Variants in ATP10A observed in about 807,000 individuals in gnomAD.
ATP10A encodes the protein ATPase phospholipid transporting 10A (putative).
In ATP10A, 111 loss-of-function variants were observed where a neutral mutation model predicts 147.8. That is an observed-to-expected ratio of 0.75 (90% confidence interval 0.64 to 0.88). The LOEUF is 0.88. Among genes scored for constraint, ATP10A ranks in the 40% least tolerant of loss-of-function variants. The pLI, the probability that ATP10A is intolerant of heterozygous loss-of-function variation, is 0.00. For missense variants in ATP10A, 1,927 were observed against 1,959.0 expected, an observed-to-expected ratio of 0.98 and a Z score of 0.31; for synonymous variants, 875 against 841.6, an observed-to-expected ratio of 1.04 and a Z score of -0.69.
At chr15:25,765,595 G>C (rs1257961704) in intron 2 of ATP10A, among the ~76,000 whole-genome samples, 1 of 152,194 alleles carries the variant, frequency 6.6e-6, no homozygotes, top group Non-Finnish European at 1.5e-5. Context: ...GCAAGGAAAA[G>C]ATCATTGAGA....
intron 2 of ATP10A, among the ~76,000 whole-genome samples, chr15:25,768,001 G>T (rs571982298): frequency 6.6e-6 from 1 of 152,230 alleles, no homozygotes; most frequent in African/African-American, 2.4e-5. Context: ...TCCAACGGGC[G>T]CACCAGGGCT....
chr15:25,726,089 G>A lies in ATP10A; in HGVS notation c.848-7C>T. The A allele has an allele frequency of 6.2e-7, 1 of 1,613,008 alleles. No homozygotes were observed. Among genetic ancestry groups the A allele is most frequent in the Non-Finnish European group, 8.5e-7 (1 of 1,179,280 alleles). ...AGAGCCTTGGTTTCATGTCCTGTCG[G>A]GGAGGACAAAGAGACATGGCAAGTC... On this transcript the variant is annotated splice_region_variant and splice_polypyrimidine_tract_variant and intron_variant, in intron 4 of 20. Coordinates refer to ENST00000555815, the MANE Select transcript of ATP10A (RefSeq NM_024490.4).
In ATP10A at chr15:25,801,052, T is replaced by C. The variant is rs575964110; in HGVS notation, c.450-19829A>G. ...TACAAAACTAAAAGAGAAAGACCTT[T>C]GGGGTGACAGCCTCTCCTCTGCAGA... On this transcript the variant is annotated intron_variant, in intron 1 of 20. Transcript: ENST00000555815. Among the ~76,000 whole-genome samples, 9 of 152,162 alleles carry C rather than the reference T, an allele frequency of 5.9e-5. No individual in the cohort carries two copies. In the South Asian group the frequency reaches 1.9e-3, roughly 32 times the overall value.
Position 25,779,432 on chromosome 15 carries a change from G to A in ATP10A, c.654+1587C>T, listed in dbSNP as rs903662783. Among the ~76,000 whole-genome samples the A allele has an allele frequency of 1.2e-4, 18 of 152,294 alleles. No homozygotes were observed. In the East Asian group the frequency reaches 1.9e-3, roughly 16 times the overall value. ...TGCCCCTAACTCTAGCTGAGACCCC[G>A]GGAACTGAGAGGGGATGCTGTCCCT... On this transcript the variant is annotated intron_variant, in intron 2 of 20. Coordinates refer to ENST00000555815, the MANE Select transcript of ATP10A (RefSeq NM_024490.4).
At chr15:25,684,580 C>T (rs1002100840) in intron 16 of ATP10A, among the ~76,000 whole-genome samples, 1 of 152,174 alleles carries the variant, frequency 6.6e-6, no homozygotes, top group African/African-American at 2.4e-5. Flanking sequence ...AGAGAGGGAA[C>T]TTGAAGTTCC....
At chr15:25,771,122 C>T (rs1427357212) in intron 2 of ATP10A, among the ~76,000 whole-genome samples, 1 of 152,100 alleles carries the variant, frequency 6.6e-6, no homozygotes, top group East Asian at 1.9e-4. Flanking sequence ...CTAATCAAAC[C>T]CCGTGTTGCA....
chr15:25,832,818 T>C (rs1892419241), intron 1 of ATP10A, among the ~76,000 whole-genome samples: 1 of 152,094 alleles, frequency 6.6e-6, no homozygotes, highest in African/African-American at 2.4e-5. Context: ...GAAGAGAGGA[T>C]TTTGAATGCT....
intron 1 of ATP10A, among the ~76,000 whole-genome samples, chr15:25,811,505 C>T (rs932449178): frequency 1.7e-4 from 26 of 152,180 alleles, no homozygotes; most frequent in African/African-American, 5.1e-4. Context: ...AAACTGCACA[C>T]CCGGGCATCC....
At position 25,707,960 on chromosome 15, in the gene ATP10A, C is replaced by T. The variant is rs1449916160; in HGVS notation, c.2575+16G>A. 6.2e-7 allele frequency: 1 copy of T among 1,613,064 alleles called. No individual in the cohort carries two copies. Among genetic ancestry groups the T allele is most frequent in the African/African-American group, 1.3e-5 (1 of 74,934 alleles). Reference sequence around the variant, plus strand: ...CTCCACACTGCCCTTAGGCATGCGACTCTCAAGTTAATTACCTAACAAGTG... The same window carrying T: ...CTCCACACTGCCCTTAGGCATGCGATTCTCAAGTTAATTACCTAACAAGTG... On this transcript the variant is annotated intron_variant, in intron 12 of 20. Coordinates refer to ENST00000555815, the MANE Select transcript of ATP10A (RefSeq NM_024490.4).
intron 1 of ATP10A, among the ~76,000 whole-genome samples, chr15:25,836,235 C>T (rs778268186): frequency 1.8e-4 from 28 of 152,092 alleles, no homozygotes; most frequent in Non-Finnish European, 2.8e-4. Context: ...AGGTGTGGGC[C>T]CCCAGCCTGG....
chr15:25,680,211 GA>G lies in ATP10A; in HGVS notation c.3775del (p.Ser1259ProfsTer18). The G allele has an allele frequency of 6.2e-7, 1 of 1,614,146 alleles. No homozygotes were observed. The highest frequency in any genetic ancestry group is 8.5e-7 in the Non-Finnish European group (1 of 1,180,010). ...NASCATCYPP[S>X]NPYWTMQALL... is the part of the protein sequence containing the mutation. Reference sequence around the variant, plus strand: ...GGCTTGCATAGTCCAGTAAGGGTTGGACGGAGGATAGCACGTGGCACAAGAC... The same window carrying G: ...GGCTTGCATAGTCCAGTAAGGGTTGGCGGAGGATAGCACGTGGCACAAGAC... On this transcript the variant is annotated frameshift_variant, in exon 20 of 21. Coordinates refer to ENST00000555815, the MANE Select transcript of ATP10A (RefSeq NM_024490.4). LOFTEE classifies it high-confidence loss of function.
intron 1 of ATP10A, among the ~76,000 whole-genome samples, chr15:25,848,348 G>A (rs563349104): frequency 6.6e-6 from 1 of 152,200 alleles, no homozygotes; most frequent in Admixed American, 6.5e-5. Flanking sequence ...GAGTGCAGTA[G>A]CATAATCACA....
rs1555469794 is a variant in ATP10A, at chr15:25,786,792, G to GCTT, written c.450-5570_450-5569insAAG. On this transcript the variant is annotated intron_variant, in intron 1 of 20. Coordinates refer to ENST00000555815, the MANE Select transcript of ATP10A (RefSeq NM_024490.4). ...AGGCGCCCACCACCATGCCCAGCTA[G>GCTT]TTTTTTTTTTTTTTTTGTATTTTTA... is the stretch of plus-strand genomic sequence containing the variant. Among the ~76,000 whole-genome samples, 90 of 135,274 alleles carry GCTT rather than the reference G, an allele frequency of 6.7e-4. 1 individual carries two copies. In the East Asian group the frequency reaches 9.6e-3, roughly 14 times the overall value. 88.7% of individuals were successfully genotyped at this position (135,274 alleles called of 152,430 possible).
At chr15:25,705,440 C>CAAAAAA (rs67294220) in intron 12 of ATP10A, among the ~76,000 whole-genome samples, 4 of 86,218 alleles carry the variant, frequency 4.6e-5, no homozygotes, top group Non-Finnish European at 6.6e-5. Context: ...TGTCTCAAAG[C>CAAAAAA]AAAAAAAAAA....
At chr15:25,682,933 CT>C (rs924200470) in intron 17 of ATP10A, among the ~76,000 whole-genome samples, 5 of 152,138 alleles carry the variant, frequency 3.3e-5, no homozygotes, top group African/African-American at 1.2e-4. Flanking sequence ...CAGTGGCTTC[CT>C]TGTGGGTTTG....
chr15:25,733,781 G>A (rs758516889), intron 3 of ATP10A, among the ~76,000 whole-genome samples: 10 of 152,252 alleles, frequency 6.6e-5, no homozygotes, highest in Non-Finnish European at 1.2e-4. Context: ...TGGAGTACAC[G>A]AGGAGACAAC....
intron 1 of ATP10A, chr15:25,861,675 C>G (rs900251901): frequency 6.6e-6 from 1 of 152,570 alleles, no homozygotes; most frequent in East Asian, 1.9e-4. Context: ...CCAGATACCG[C>G]TAATGTTCTA....
At position 25,718,946 on chromosome 15, in the gene ATP10A, C is replaced by T. The variant is rs532473194; in HGVS notation, c.1364-547G>A. On this transcript the variant is annotated intron_variant, in intron 7 of 20. Coordinates refer to ENST00000555815, the MANE Select transcript of ATP10A (RefSeq NM_024490.4). ...CTAGGGTTTGGACTCAGCTTTGAAA[C>T]TCCATCCAAGATGATCTTGACTGTG... Among the ~76,000 whole-genome samples, 334 of 152,298 alleles carry T rather than the reference C, an allele frequency of 2.2e-3. 2 individuals are homozygous for T. Among genetic ancestry groups the T allele is most frequent in the South Asian group, 9.3e-3 (45 of 4,830 alleles).
chr15:25,794,616 G>T (rs931305145), intron 1 of ATP10A, among the ~76,000 whole-genome samples: 2 of 152,222 alleles, frequency 1.3e-5, no homozygotes, highest in Admixed American at 1.3e-4. Flanking sequence ...AGACACCTTT[G>T]TGAATCCCGG....
Sources: allele counts gnomAD v4.1 joint callset (sites outside exome capture counted in the v4.1 genomes callset), GRCh38; gene constraint gnomAD v4.1.1; transcripts MANE v1.5; gene names NCBI Gene and HGNC (gene_info 2026-07-23, HGNC 2026-07-21).